The following CNTNAP2 variants were observed in gnomAD, a reference collection of about 807,000 sequenced individuals.
CNTNAP2 encodes contactin associated protein 2, also known as contactin-associated protein-like 2.
A neutral mutation model predicts 155.2 loss-of-function variants in CNTNAP2; 98 were observed. The ratio of observed to expected loss-of-function variants is 0.63; its 90% confidence interval spans 0.54 to 0.75. CNTNAP2 has a LOEUF of 0.75. Ranked by LOEUF, CNTNAP2 falls within the 30% of genes least tolerant of loss-of-function variation. The pLI is 0.00. For missense variants in CNTNAP2, 1,727 were observed against 1,688.1 expected (o/e 1.02, Z -0.40); for synonymous variants, 651 against 631.2 (o/e 1.03, Z -0.47).
intron 13 of CNTNAP2, among the ~76,000 whole-genome samples, chr7:147,647,154 A>C (rs1795379057): frequency 6.7e-6 from 1 of 150,190 alleles, no homozygotes; most frequent in South Asian, 2.1e-4. Context: ...CGCCCAGCTA[A>C]TTTTTTTTCT....
At chr7:147,630,425 A>G (rs1795066778) in intron 12 of CNTNAP2, among the ~76,000 whole-genome samples, 1 of 152,128 alleles carries the variant, frequency 6.6e-6, no homozygotes, top group Non-Finnish European at 1.5e-5. Context: ...TCTTACTGAA[A>G]CTATTCCAAA....
intron 11 of CNTNAP2, among the ~76,000 whole-genome samples, chr7:147,546,272 G>A (rs1408058979): frequency 6.6e-6 from 1 of 152,002 alleles, no homozygotes; most frequent in African/African-American, 2.4e-5. Flanking sequence ...GTGTGCAATT[G>A]CATATTTATG....
In CNTNAP2 at chr7:147,218,781, A is replaced by G. The variant is rs1210808473; in HGVS notation, c.1349-81360A>G. Among the ~76,000 whole-genome samples, 3 of 152,050 alleles carry G rather than the reference A, an allele frequency of 2.0e-5. No homozygotes were observed. The East Asian group carries it at 5.8e-4, about 29-fold the overall frequency. ...GCTAAGTTCAACTATGTTTTTACTG[A>G]TTTTCTGCCTGCCATGGTCATCTAT... is the stretch of plus-strand genomic sequence containing the variant. On this transcript the variant is annotated intron_variant, in intron 8 of 23. Transcript: ENST00000361727.
intron 15 of CNTNAP2, among the ~76,000 whole-genome samples, chr7:148,065,084 T>G (rs1372669355): frequency 6.6e-6 from 1 of 152,192 alleles, no homozygotes; most frequent in Non-Finnish European, 1.5e-5. Context: ...TTAATTTCCA[T>G]GTATTTGCAT....
intron 1 of CNTNAP2, among the ~76,000 whole-genome samples, chr7:146,371,163 A>C (rs559970233): frequency 1.3e-5 from 2 of 151,978 alleles, no homozygotes; most frequent in African/African-American, 4.8e-5. Flanking sequence ...TCTGGTGTGC[A>C]TCTGCTATTT....
At chr7:147,383,024 G>C (rs1330318989) in intron 9 of CNTNAP2, among the ~76,000 whole-genome samples, 1 of 152,022 alleles carries the variant, frequency 6.6e-6, no homozygotes, top group African/African-American at 2.4e-5. Context: ...GAGGACAAAA[G>C]CAATATAGTT....
rs144054261 is a variant in CNTNAP2, at chr7:148,208,774, A to G, written c.3011-8514A>G. Among the ~76,000 whole-genome samples the G allele has an allele frequency of 3.5e-3, 534 of 152,182 alleles. 1 individual carries two copies. The highest frequency in any genetic ancestry group is 0.012 in the African/African-American group (505 of 41,528). ...AGTTAGATTGGGAAAATCTAACTGGACCTCTGAACAGCATTCTAACCTATT... is the reference window on the plus strand; with the variant it reads ...AGTTAGATTGGGAAAATCTAACTGGGCCTCTGAACAGCATTCTAACCTATT... On this transcript the variant is annotated intron_variant, in intron 18 of 23. Transcript: ENST00000361727.
chr7:146,194,225 T>C (rs1798745719), intron 1 of CNTNAP2, among the ~76,000 whole-genome samples: 1 of 152,194 alleles, frequency 6.6e-6, no homozygotes, highest in Admixed American at 6.5e-5. Context: ...TCCTCTCTAC[T>C]GGTACCAATT....
At chr7:147,169,625 G>GGGAAGGAA (rs544440536) in intron 8 of CNTNAP2, among the ~76,000 whole-genome samples, 1 of 151,434 alleles carries the variant, frequency 6.6e-6, no homozygotes, top group Non-Finnish European at 1.5e-5. Context: ...TAAGGAAGGA[G>GGGAAGGAA]GGAAGGAAGG....
chr7:148,210,241 G>T (rs1174562002), intron 18 of CNTNAP2, among the ~76,000 whole-genome samples: 1 of 152,144 alleles, frequency 6.6e-6, no homozygotes, highest in Non-Finnish European at 1.5e-5. Context: ...CACGACTTTT[G>T]ATTCTTGGCC....
chr7:147,856,877 A>G (rs987513132), intron 13 of CNTNAP2, among the ~76,000 whole-genome samples: 8 of 152,170 alleles, frequency 5.3e-5, no homozygotes, highest in Non-Finnish European at 1.2e-4. Flanking sequence ...TTAAAAGTCT[A>G]CAGATTTGAG....
chr7:147,468,126 A>T, intron 10 of CNTNAP2, among the ~76,000 whole-genome samples: 1 of 152,136 alleles, frequency 6.6e-6, no homozygotes, highest in Non-Finnish European at 1.5e-5. Context: ...TACAAAAAAA[A>T]AATTTAAAAA....
chr7:148,229,669 C>G lies in CNTNAP2; in HGVS notation c.3271C>G (p.Leu1091Val), dbSNP rs756994633. 9.3e-6 allele frequency: 15 copies of G among 1,613,996 alleles called. No homozygotes were observed. The African/African-American group carries it at 1.9e-4, about 20-fold the overall frequency. Residue 1091 changes from leucine (L) to valine (V), a missense_variant, in exon 20 of 24, where the codon CTG becomes GTG. Leu to Val is a conservative substitution (Grantham distance 32). Transcript: ENST00000361727. Reference protein sequence around the residue: ...PTGSLQIRYNLGGTREPYNID... With the variant: ...PTGSLQIRYNVGGTREPYNID... ...AGGAAGCTTACAGATTCGATACAAC[C>G]TGGGTGGCACCCGAGAGCCATACAA...
At chr7:146,497,396 A>G (rs970141850) in intron 1 of CNTNAP2, among the ~76,000 whole-genome samples, 2 of 152,136 alleles carry the variant, frequency 1.3e-5, no homozygotes, top group African/African-American at 4.8e-5. Flanking sequence ...AGAAATGTAT[A>G]CTTTACCGTT....
At chr7:146,182,630 G>T (rs1219264288) in intron 1 of CNTNAP2, among the ~76,000 whole-genome samples, 1 of 152,034 alleles carries the variant, frequency 6.6e-6, no homozygotes, top group Non-Finnish European at 1.5e-5. Flanking sequence ...ACAGGATTCT[G>T]ACAAGCTCTT....
rs150560091 is a variant in CNTNAP2, at chr7:146,232,976, C to G, written c.97+116003C>G. On this transcript the variant is annotated intron_variant, in intron 1 of 23. Coordinates refer to ENST00000361727, the MANE Select transcript of CNTNAP2 (RefSeq NM_014141.6). ...CCATTTAATTATTCCATCTCTCACTCTATTGCATAATCTCAATCTATTGGA... is the reference window on the plus strand; with the variant it reads ...CCATTTAATTATTCCATCTCTCACTGTATTGCATAATCTCAATCTATTGGA... Among the ~76,000 whole-genome samples, 306 of 152,210 alleles carry G rather than the reference C, an allele frequency of 2.0e-3. 1 individual carries two copies. The highest frequency in any genetic ancestry group is 3.2e-3 in the Non-Finnish European group (220 of 67,998).
chr7:147,192,526 C>T (rs1209554450), intron 8 of CNTNAP2, among the ~76,000 whole-genome samples: 1 of 152,092 alleles, frequency 6.6e-6, no homozygotes, highest in East Asian at 1.9e-4. Flanking sequence ...CTCTGGGGTA[C>T]AGTCCAGTAT....
intron 14 of CNTNAP2, among the ~76,000 whole-genome samples, chr7:147,952,230 G>A (rs1800944596): frequency 1.1e-5 from 1 of 90,440 alleles, no homozygotes; most frequent in African/African-American, 3.5e-5. Flanking sequence ...ATCACCTGAG[G>A]TTGGGAGTTT....
At chr7:147,283,288 AG>A (rs1805088012) in intron 8 of CNTNAP2, among the ~76,000 whole-genome samples, 1 of 151,842 alleles carries the variant, frequency 6.6e-6, no homozygotes, top group Non-Finnish European at 1.5e-5. Flanking sequence ...ATATGGAAAA[AG>A]TCCATATTAT....
Sources: allele counts gnomAD v4.1 joint callset (sites outside exome capture counted in the v4.1 genomes callset), GRCh38; gene constraint gnomAD v4.1.1; transcripts MANE v1.5; gene names NCBI Gene and HGNC (gene_info 2026-07-23, HGNC 2026-07-21).